Variants in THSD4 observed in about 807,000 individuals in gnomAD.
THSD4 encodes the protein thrombospondin type-1 domain-containing protein 4.
THSD4 carries 69 observed loss-of-function variants against 119.0 expected under a neutral mutation model. The observed-to-expected ratio is 0.58, with a 90% CI of 0.48 to 0.71. The LOEUF (loss-of-function observed/expected upper bound fraction) is 0.71, where lower values mean the gene tolerates loss of function less well. THSD4 is among the 30% of genes least tolerant of loss of function. THSD4 has a pLI of 0.00. For synonymous variants in THSD4, 524 were observed against 540.4 expected (o/e 0.97, Z 0.42); for missense variants, 1,393 against 1,391.1 (o/e 1.00, Z -0.02).
intron 3 of THSD4, among the ~76,000 whole-genome samples, chr15:71,209,197 G>A (rs1315342642): frequency 1.3e-5 from 2 of 152,168 alleles, no homozygotes; most frequent in East Asian, 1.9e-4. Context: ...CCCAGTGAAG[G>A]GACAAAGTGG....
At chr15:71,771,295 A>G (rs2053819378) in intron 17 of THSD4, 87 bp downstream of exon 17, 1 of 1,535,398 alleles carries the variant, frequency 6.5e-7, no homozygotes, top group African/African-American at 1.4e-5. Context: ...AGCCTCTTCT[A>G]GGTCTTTCTG....
At chr15:71,664,702 G>GTCT (rs1216466443) in intron 8 of THSD4, among the ~76,000 whole-genome samples, 1 of 152,094 alleles carries the variant, frequency 6.6e-6, no homozygotes, top group African/African-American at 2.4e-5. Flanking sequence ...GTGTGTCCAT[G>GTCT]TCTTCCATCA....
chr15:71,350,414 A>G (rs1444583093), intron 6 of THSD4, among the ~76,000 whole-genome samples: 3 of 152,094 alleles, frequency 2.0e-5, no homozygotes, highest in Non-Finnish European at 4.4e-5. Flanking sequence ...TGGAACAGGA[A>G]TGAACCCTTT....
chr15:71,490,957 C>T (rs996086166), intron 7 of THSD4, among the ~76,000 whole-genome samples: 1 of 152,120 alleles, frequency 6.6e-6, no homozygotes, highest in South Asian at 2.1e-4. Flanking sequence ...TTACCTGGCC[C>T]CTTAATAGAA....
chr15:71,217,491 C>T (rs1392534359), intron 4 of THSD4, among the ~76,000 whole-genome samples: 3 of 151,918 alleles, frequency 2.0e-5, no homozygotes, highest in Non-Finnish European at 2.9e-5. Context: ...GACGTGGTGG[C>T]GGGTGCCTGT....
At chr15:71,430,146 T>A (rs2046922484) in intron 7 of THSD4, among the ~76,000 whole-genome samples, 1 of 151,962 alleles carries the variant, frequency 6.6e-6, no homozygotes, top group African/African-American at 2.4e-5. Flanking sequence ...TGTAGGGCCT[T>A]AGGAAAAAAG....
chr15:71,316,251 C>T (rs1307409748), intron 6 of THSD4, among the ~76,000 whole-genome samples: 1 of 152,156 alleles, frequency 6.6e-6, no homozygotes, highest in Non-Finnish European at 1.5e-5. Flanking sequence ...GCTAAACAGC[C>T]CCTCCTTTAT....
chr15:71,242,585 C>A (rs1434516448), intron 4 of THSD4, 64 bp from the exon 5 acceptor site: 1 of 1,542,754 alleles, frequency 6.5e-7, no homozygotes, highest in Non-Finnish European at 8.8e-7. Context: ...CGGACCAGAG[C>A]TTCTGAGTTA....
At chr15:71,313,973 G>C (rs1053798639) in intron 6 of THSD4, among the ~76,000 whole-genome samples, 3 of 152,272 alleles carry the variant, frequency 2.0e-5, no homozygotes, top group African/African-American at 7.2e-5. Flanking sequence ...GCTCTGATAC[G>C]GATGATGAGG....
chr15:71,530,813 A>C (rs977027999), intron 7 of THSD4, among the ~76,000 whole-genome samples: 2 of 151,862 alleles, frequency 1.3e-5, no homozygotes, highest in African/African-American at 4.8e-5. Flanking sequence ...CGAAAAAAAA[A>C]ATCTTTGCCT....
At chr15:71,631,854 G>A (rs910054978) in intron 7 of THSD4, among the ~76,000 whole-genome samples, 1 of 152,124 alleles carries the variant, frequency 6.6e-6, no homozygotes, top group Non-Finnish European at 1.5e-5. Flanking sequence ...TCTGGGTTTC[G>A]GTTCAGGGAA....
chr15:71,602,553 CAAA>C (rs59370074), intron 7 of THSD4, among the ~76,000 whole-genome samples: 5 of 53,878 alleles, frequency 9.3e-5, no homozygotes, highest in African/African-American at 3.3e-4. Context: ...AACTCTGTCT[CAAA>C]AAAAAAAAAA....
intron 2 of THSD4, among the ~76,000 whole-genome samples, chr15:71,154,562 C>T (rs2040757608): frequency 6.6e-6 from 1 of 152,220 alleles, no homozygotes; most frequent in African/African-American, 2.4e-5. Flanking sequence ...CGTTGTCATC[C>T]CCGTTTTTCA....
chr15:71,743,395 A>G (rs760471777), intron 11 of THSD4, among the ~76,000 whole-genome samples: 2 of 152,270 alleles, frequency 1.3e-5, no homozygotes, highest in Non-Finnish European at 2.9e-5. Context: ...GAAAAGGAAT[A>G]GGCTAAATAA....
At chr15:71,610,906 C>T (rs1209269191) in intron 7 of THSD4, among the ~76,000 whole-genome samples, 7 of 152,012 alleles carry the variant, frequency 4.6e-5, no homozygotes, top group Non-Finnish European at 8.8e-5. Context: ...TGTAGATATC[C>T]ACATGTATGC....
chr15:71,147,253 G>A (rs1448940835), intron 2 of THSD4, among the ~76,000 whole-genome samples: 3 of 152,218 alleles, frequency 2.0e-5, no homozygotes, highest in Non-Finnish European at 4.4e-5. Flanking sequence ...TGCCCAGGCT[G>A]GGGTCCAGTG....
At chr15:71,461,529 T>C (rs1469769724) in intron 7 of THSD4, among the ~76,000 whole-genome samples, 1 of 152,100 alleles carries the variant, frequency 6.6e-6, no homozygotes, top group Non-Finnish European at 1.5e-5. Context: ...TAGTAGAAAA[T>C]TTCCATAGTG....
intron 7 of THSD4, among the ~76,000 whole-genome samples, chr15:71,572,382 T>G (rs1351347642): frequency 1.3e-5 from 2 of 152,248 alleles, no homozygotes; most frequent in Non-Finnish European, 2.9e-5. Context: ...ATTGTTTCTA[T>G]CTTTTTACTT....
intron 3 of THSD4, among the ~76,000 whole-genome samples, chr15:71,191,067 G>A (rs2043667983): frequency 6.6e-6 from 1 of 152,064 alleles, no homozygotes. Context: ...CTCTGTTCCT[G>A]GGAACGTAAT....
Sources: allele counts gnomAD v4.1 joint callset (sites outside exome capture counted in the v4.1 genomes callset), GRCh38; gene constraint gnomAD v4.1.1; transcripts MANE v1.5; gene names NCBI Gene and HGNC (gene_info 2026-07-23, HGNC 2026-07-21).